The following ARID1B variants were observed in gnomAD, a reference collection of about 807,000 sequenced individuals.
ARID1B encodes the protein AT-rich interaction domain 1B, also known as AT-rich interactive domain-containing protein 1B.
ARID1B carries 30 observed loss-of-function variants against 212.3 expected under a neutral mutation model. That is an observed-to-expected ratio of 0.14 (90% CI 0.11 to 0.19). The LOEUF is 0.19. ARID1B is among the 10% of genes least tolerant of loss of function. ARID1B has a pLI of 1.00. For missense variants in ARID1B, 2,891 were observed against 3,204.0 expected (o/e 0.90, Z 2.36); for synonymous variants, 1,402 against 1,301.7 (o/e 1.08, Z -1.66).
chr6:156,779,979 C>G (rs1167877120), intron 1 of ARID1B, among the ~76,000 whole-genome samples: 1 of 152,166 alleles, frequency 6.6e-6, no homozygotes, highest in Non-Finnish European at 1.5e-5. Context: ...CTTCCGAGGT[C>G]CAGGCAGGGA....
chr6:156,822,512 C>T (rs1243980050), intron 1 of ARID1B, among the ~76,000 whole-genome samples: 1 of 152,256 alleles, frequency 6.6e-6, no homozygotes, highest in African/African-American at 2.4e-5. Context: ...CGATTACATT[C>T]TGCAGTAGTG....
intron 5 of ARID1B, among the ~76,000 whole-genome samples, chr6:157,106,216 G>A (rs886581463): frequency 6.6e-6 from 1 of 152,010 alleles, no homozygotes; most frequent in Admixed American, 6.5e-5. Flanking sequence ...CCAGGACAGC[G>A]TGAAAAAAAG....
chr6:157,097,770 G>T (rs561675193), intron 5 of ARID1B, among the ~76,000 whole-genome samples: 2 of 152,170 alleles, frequency 1.3e-5, no homozygotes, highest in Non-Finnish European at 2.9e-5. Flanking sequence ...TCTCCTGGGG[G>T]CCCAGGTGGA....
chr6:157,085,771 T>C (rs919631715), intron 5 of ARID1B, among the ~76,000 whole-genome samples: 2 of 152,022 alleles, frequency 1.3e-5, no homozygotes, highest in Non-Finnish European at 2.9e-5. Flanking sequence ...TAAAAGAACA[T>C]ACATAGCACA....
chr6:156,857,059 C>G (rs1026736922), intron 2 of ARID1B, among the ~76,000 whole-genome samples: 8 of 152,084 alleles, frequency 5.3e-5, no homozygotes, highest in Non-Finnish European at 1.0e-4. Flanking sequence ...AACTGTTAAC[C>G]ACAACTAGAA....
chr6:156,972,674 T>C (rs1320884182), intron 4 of ARID1B, among the ~76,000 whole-genome samples: 2 of 152,158 alleles, frequency 1.3e-5, no homozygotes, highest in Non-Finnish European at 2.9e-5. Flanking sequence ...TAAACCCTCA[T>C]TCTCCCCTTG....
intron 3 of ARID1B, among the ~76,000 whole-genome samples, chr6:156,912,754 C>T (rs992306031): frequency 1.3e-5 from 2 of 152,188 alleles, no homozygotes; most frequent in African/African-American, 4.8e-5. Flanking sequence ...TCTCCTTGTT[C>T]CTCTGGAAGG....
chr6:156,896,602 AG>A (rs1788413501), intron 2 of ARID1B, among the ~76,000 whole-genome samples: 1 of 144,394 alleles, frequency 6.9e-6, no homozygotes, highest in Non-Finnish European at 1.5e-5. Context: ...AAAAAAAAAG[AG>A]GACACAGTGG....
chr6:157,036,727 GTT>G (rs1781356147), intron 4 of ARID1B: 1 of 428,814 alleles, frequency 2.3e-6, no homozygotes, highest in Non-Finnish European at 4.7e-6. Context: ...TGGAATGCCA[GTT>G]TTCTCAGAAC....
intron 7 of ARID1B, among the ~76,000 whole-genome samples, chr6:157,146,536 C>G (rs371597166): frequency 9.8e-5 from 15 of 152,358 alleles, no homozygotes; most frequent in South Asian, 8.3e-4. Flanking sequence ...TCTCCCTTCT[C>G]TCTTGCACTT....
At chr6:156,953,304 A>C (rs2128309167) in intron 4 of ARID1B, among the ~76,000 whole-genome samples, 1 of 152,368 alleles carries the variant, frequency 6.6e-6, no homozygotes, top group South Asian at 2.1e-4. Context: ...TGGTGCTTAA[A>C]ACGGTTTTTG....
chr6:157,051,279 T>A (rs772592513), intron 4 of ARID1B, among the ~76,000 whole-genome samples: 1 of 152,068 alleles, frequency 6.6e-6, no homozygotes, highest in Non-Finnish European at 1.5e-5. Flanking sequence ...TAGAAATGAG[T>A]TTTTTTATGG....
At chr6:156,855,119 C>T (rs902986427) in intron 2 of ARID1B, among the ~76,000 whole-genome samples, 7 of 152,008 alleles carry the variant, frequency 4.6e-5, no homozygotes, top group South Asian at 2.1e-4. Flanking sequence ...TAAGTTAACA[C>T]GAAGAGATGA....
chr6:157,198,674 G>A (rs1202269060), intron 16 of ARID1B, 137 bp from the exon 17 acceptor site: 5 of 636,818 alleles, frequency 7.9e-6, no homozygotes, highest in Admixed American at 5.7e-5. Context: ...CTCTCAGAGG[G>A]CCTTTGTCGG....
chr6:156,849,004 C>CT (rs1784410327), intron 2 of ARID1B, among the ~76,000 whole-genome samples: 1 of 152,196 alleles, frequency 6.6e-6, no homozygotes, highest in Non-Finnish European at 1.5e-5. Context: ...ACTTCACCGC[C>CT]TGGGTCCATA....
intron 2 of ARID1B, among the ~76,000 whole-genome samples, chr6:156,842,908 G>A (rs1783995176): frequency 6.6e-6 from 1 of 151,018 alleles, no homozygotes; most frequent in Non-Finnish European, 1.5e-5. Flanking sequence ...CAAACTCTAA[G>A]TAGAGAATTC....
chr6:157,160,686 A>G (rs1790870697), intron 8 of ARID1B, among the ~76,000 whole-genome samples: 1 of 152,196 alleles, frequency 6.6e-6, no homozygotes, highest in African/African-American at 2.4e-5. Context: ...GACCAAACCC[A>G]GAGAACCATA....
At chr6:157,100,499 G>A (rs761327373) in intron 5 of ARID1B, among the ~76,000 whole-genome samples, 8 of 152,154 alleles carry the variant, frequency 5.3e-5, no homozygotes, top group Admixed American at 3.3e-4. Context: ...ATTTTTTTCC[G>A]TTCTTGAAGC....
chr6:156,871,571 T>TC, intron 2 of ARID1B: 1 of 1,567,954 alleles, frequency 6.4e-7, no homozygotes, highest in East Asian at 2.2e-5. Flanking sequence ...CTGGACTGAC[T>TC]CCAACACTGT....
Sources: allele counts gnomAD v4.1 joint callset (sites outside exome capture counted in the v4.1 genomes callset), GRCh38; gene constraint gnomAD v4.1.1; transcripts MANE v1.5; gene names NCBI Gene and HGNC (gene_info 2026-07-23, HGNC 2026-07-21).